FAM177B: variants seen among roughly 807,000 people sequenced by gnomAD.
FAM177B encodes the protein protein FAM177B.
A neutral mutation model predicts 16.1 loss-of-function variants in FAM177B; 16 were observed. That is an observed-to-expected ratio of 0.99 (90% confidence interval 0.67 to 1.51). The LOEUF (loss-of-function observed/expected upper bound fraction) is 1.51, where lower values mean the gene tolerates loss of function less well. Among genes scored for constraint, FAM177B ranks in the 40% most tolerant of loss-of-function variants. The pLI is 0.00. For synonymous variants in FAM177B, 56 were observed against 59.9 expected (o/e 0.93, Z 0.30); for missense variants, 178 against 183.7 (o/e 0.97, Z 0.18).
chr1:222,747,933 T>C (rs1197078897), intron 4 of FAM177B, among the ~76,000 whole-genome samples: 2 of 152,068 alleles, frequency 1.3e-5, no homozygotes, highest in African/African-American at 4.8e-5. Context: ...GTTGCCAGGG[T>C]AGAAAGTGTA....
intron 2 of FAM177B, among the ~76,000 whole-genome samples, chr1:222,745,898 G>A (rs923945407): frequency 6.6e-6 from 1 of 152,120 alleles, no homozygotes; most frequent in African/African-American, 2.4e-5. Context: ...TGGGCAACAA[G>A]AGCAAAAAAG....
intron 4 of FAM177B, among the ~76,000 whole-genome samples, chr1:222,747,952 C>A (rs1658873989): frequency 6.6e-6 from 1 of 152,128 alleles, no homozygotes; most frequent in Admixed American, 6.5e-5. Context: ...TATAGGGGCT[C>A]TGACCTGGAA....
At chr1:222,746,505 A>G in intron 2 of FAM177B, 26 bp from the exon 3 acceptor site, 1 of 1,424,180 alleles carries the variant, frequency 7.0e-7, no homozygotes, top group Non-Finnish European at 9.7e-7. Flanking sequence ...AACTTGCCCT[A>G]AGGTGCCCTG....
intron 5 of FAM177B, 35 bp downstream of exon 5, chr1:222,749,597 G>A: frequency 7.9e-7 from 1 of 1,273,044 alleles, no homozygotes; most frequent in Non-Finnish European, 1.1e-6. Context: ...AGGGGCCTGA[G>A]ATGGGAATAT....
chr1:222,741,831 T>TTTCTTTCTTTTTTCC (rs1475895155), intron 2 of FAM177B, among the ~76,000 whole-genome samples: 5 of 149,344 alleles, frequency 3.3e-5, no homozygotes, highest in African/African-American at 1.2e-4. Flanking sequence ...TTCTTTTTTC[T>TTTCTTTCTTTTTTCC]TTCTTTCTTT....
At chr1:222,749,861 G>C in intron 5 of FAM177B, 60 bp from the exon 6 acceptor site, 2 of 1,548,228 alleles carry the variant, frequency 1.3e-6, no homozygotes, top group Non-Finnish European at 1.8e-6. Context: ...TATACAAGAG[G>C]GGGAGTTCAG....
intron 2 of FAM177B, among the ~76,000 whole-genome samples, chr1:222,743,337 T>G (rs1053850173): frequency 1.3e-5 from 2 of 151,886 alleles, no homozygotes; most frequent in East Asian, 1.9e-4. Flanking sequence ...GTTTTTTTTT[T>G]TGTGGAGACA....
intron 2 of FAM177B, among the ~76,000 whole-genome samples, chr1:222,746,251 A>G (rs1279307101): frequency 6.6e-6 from 1 of 152,226 alleles, no homozygotes; most frequent in Non-Finnish European, 1.5e-5. Context: ...CAGGATAGTG[A>G]CCCCTTCCTA....
intron 2 of FAM177B, chr1:222,742,468 AG>A (rs1379859920): frequency 1.2e-4 from 4 of 33,340 alleles, no homozygotes; most frequent in East Asian, 1.0e-3. Context: ...TTTTAATTTC[AG>A]GGGAACTACT....
At chr1:222,747,176 T>C in intron 4 of FAM177B, 95 bp downstream of exon 4, 1 of 827,222 alleles carries the variant, frequency 1.2e-6, no homozygotes. Context: ...TGTAAGCCAC[T>C]CCATCGCATC....
Position 222,746,567 on chromosome 1 carries a change from C to T in FAM177B, c.22C>T (p.Gln8Ter), listed in dbSNP as rs778118066. The change falls in exon 3 of 6, where the codon CAG becomes TAG. Residue 8 changes from glutamine (Q) to a stop codon, truncating the protein, a stop_gained. Transcript: ENST00000445590. LOFTEE classifies it high-confidence loss of function. MEIDGFQ[Q>*]LDLEKSVPSK... is the part of the protein sequence containing the mutation. The stretch of plus-strand genomic sequence containing the variant: ...CATTATGGAGATTGACGGTTTCCAG[C>T]AGTTAGACCTAGAGAAGAGTGTACC... The T allele has an allele frequency of 3.7e-6, 6 of 1,603,064 alleles. No homozygotes were observed. The highest frequency in any genetic ancestry group is 5.1e-6 in the Non-Finnish European group (6 of 1,173,642).
At chr1:222,746,489 C>CTGGGTAACT (rs1425342064) in intron 2 of FAM177B, 42 bp from the exon 3 acceptor site, 1 of 1,153,002 alleles carries the variant, frequency 8.7e-7, no homozygotes, top group Non-Finnish European at 1.3e-6. Context: ...ACTCTCAGCT[C>CTGGGTAACT]TGGGTAACTT....
chr1:222,750,306 T>C lies in FAM177B; in HGVS notation c.*248T>C. ...ATTTCTATATTCAAGCCACCCCACC[T>C]CAACTCCACCCCTGTGATACAAGTC... On this transcript the variant is annotated 3_prime_UTR_variant, in exon 6 of 6. Coordinates refer to ENST00000445590, the MANE Select transcript of FAM177B (RefSeq NM_001394345.1). 2 of 1,290,102 alleles carry C rather than the reference T, an allele frequency of 1.6e-6. No individual in the cohort carries two copies. Among genetic ancestry groups the C allele is most frequent in the Non-Finnish European group, 2.0e-6 (2 of 1,017,548 alleles). 79.9% of individuals were successfully genotyped at this position (1,290,102 alleles called of 1,614,324 possible).
intron 4 of FAM177B, 51 bp from the exon 5 acceptor site, chr1:222,749,414 G>A (rs745446811): frequency 9.4e-6 from 10 of 1,062,208 alleles, no homozygotes; most frequent in Admixed American, 7.3e-5. Flanking sequence ...CAACTGATGC[G>A]AAGCTTTAGT....
chr1:222,747,040 T>C lies in FAM177B; in HGVS notation c.200T>C (p.Leu67Pro). The C allele has an allele frequency of 6.2e-7, 1 of 1,611,978 alleles. No homozygotes were observed. The highest frequency in any genetic ancestry group is 8.5e-7 in the Non-Finnish European group (1 of 1,178,150). ...DPSKLSWGPYLRFWAGRIAST... is the reference protein window; with the variant it reads ...DPSKLSWGPYPRFWAGRIAST... Reference sequence around the variant, plus strand: ...TCTAAACTTTCCTGGGGGCCCTACCTACGATTTTGGGCAGGACGAATAGCA... The same window carrying C: ...TCTAAACTTTCCTGGGGGCCCTACCCACGATTTTGGGCAGGACGAATAGCA... Residue 67 changes from leucine to proline, a missense_variant, in exon 4 of 6, where the codon CTA becomes CCA. By Grantham distance (98) the Leu-to-Pro change is moderately conservative (BLOSUM62 -3). Coordinates refer to ENST00000445590, the MANE Select transcript of FAM177B (RefSeq NM_001394345.1).
At chr1:222,747,303 A>AT (rs1658844706) in intron 4 of FAM177B, 1 of 503,000 alleles carries the variant, frequency 2.0e-6, no homozygotes, top group Admixed American at 3.5e-5. Flanking sequence ...CTCGGCCCAA[A>AT]TTTTATCTAC....
chr1:222,737,545 GGAA>G (rs1658335860), intron 1 of FAM177B, among the ~76,000 whole-genome samples: 1 of 152,206 alleles, frequency 6.6e-6, no homozygotes. Context: ...GGGAATTGCA[GGAA>G]GAAGGCCCGT....
At position 222,746,722 on chromosome 1, in the gene FAM177B, A is replaced by G. The variant is rs1280172432; in HGVS notation, c.174+3A>G. Reference sequence around the variant, plus strand: ...GCACAAATTCAACACTTGACCCTGTAAGCTTAGTATATCAATATTAGGGAA... The same window carrying G: ...GCACAAATTCAACACTTGACCCTGTGAGCTTAGTATATCAATATTAGGGAA... On this transcript the variant is annotated splice_donor_region_variant and intron_variant, in intron 3 of 5. Transcript: ENST00000445590. The G allele has an allele frequency of 6.9e-6, 11 of 1,604,346 alleles. No individual in the cohort carries two copies. The highest frequency in any genetic ancestry group is 7.7e-6 in the Non-Finnish European group (9 of 1,173,828).
chr1:222,750,290 T>A lies in FAM177B; in HGVS notation c.*232T>A. On this transcript the variant is annotated 3_prime_UTR_variant, in exon 6 of 6. Transcript: ENST00000445590. ...ACACTTTCTCAGAATAATTTCTATA[T>A]TCAAGCCACCCCACCTCAACTCCAC... The A allele has an allele frequency of 7.5e-7, 1 of 1,327,160 alleles. No individual in the cohort carries two copies. The allele number at this position is 1,327,160 out of a possible 1,614,324, so 82.2% of individuals were successfully genotyped here. A position where few individuals can be genotyped will look rare whatever the true frequency, so the allele number is the denominator to read the frequency against.
Sources: allele counts gnomAD v4.1 joint callset (sites outside exome capture counted in the v4.1 genomes callset), GRCh38; gene constraint gnomAD v4.1.1; transcripts MANE v1.5; gene names NCBI Gene and HGNC (gene_info 2026-07-23, HGNC 2026-07-21).